PABPC4L: variants seen among roughly 807,000 people sequenced by gnomAD.
PABPC4L encodes poly(A) binding protein cytoplasmic 4 like, also known as polyadenylate-binding protein 4-like.
For missense variants in PABPC4L, 452 were observed against 451.4 expected, an observed-to-expected ratio of 1.00 and a Z score of -0.01; for synonymous variants, 169 against 164.1, an observed-to-expected ratio of 1.03 and a Z score of -0.23.
the PABPC4L span, among the ~76,000 whole-genome samples, chr4:134,165,968 A>G: frequency 2.0e-5 from 3 of 152,168 alleles, no homozygotes; most frequent in Non-Finnish European, 4.4e-5. Flanking sequence ...GAAATAAGGT[A>G]TTTTGTAGCA....
At chr4:134,036,282 T>A in the PABPC4L span, among the ~76,000 whole-genome samples, 1 of 152,132 alleles carries the variant, frequency 6.6e-6, no homozygotes, top group African/African-American at 2.4e-5. Context: ...CTTTCTGACT[T>A]ACTATACCTT....
the PABPC4L span, among the ~76,000 whole-genome samples, chr4:133,957,098 A>C: frequency 6.6e-6 from 1 of 152,194 alleles, no homozygotes; most frequent in Non-Finnish European, 1.5e-5. Context: ...CCAAATGCTT[A>C]TCTCATTCCA....
At chr4:134,157,458 A>C in the PABPC4L span, among the ~76,000 whole-genome samples, 13 of 151,684 alleles carry the variant, frequency 8.6e-5, no homozygotes, top group African/African-American at 3.1e-4. Flanking sequence ...CACTTGATTC[A>C]CCTTGATTAA....
chr4:134,100,343 G>A, the PABPC4L span, among the ~76,000 whole-genome samples: 2 of 151,582 alleles, frequency 1.3e-5, no homozygotes, highest in African/African-American at 4.8e-5. Context: ...AAAGTGTCTA[G>A]TATACACCCA....
chr4:133,975,906 C>T, the PABPC4L span, among the ~76,000 whole-genome samples: 3 of 152,128 alleles, frequency 2.0e-5, no homozygotes, highest in East Asian at 3.8e-4. Context: ...TTCTCATACA[C>T]ACACACTCTC....
chr4:134,200,125 T>C lies in PABPC4L; in HGVS notation c.895A>G (p.Asn299Asp). ...GCQGVKLYIK[N>D]LDDTIDDEKL... The stretch of plus-strand genomic sequence containing the variant: ...TCATCATCGATGGTGTCATCAAGGT[T>C]CTTAATATAGAGTTTTACCCCCTGG... The change falls in exon 2 of 2, where the codon AAC becomes GAC. Residue 299 changes from asparagine to aspartate, a missense_variant. By Grantham distance (23) the Asn-to-Asp change is conservative. Transcript: ENST00000421491. The C allele has an allele frequency of 6.4e-7, 1 of 1,551,658 alleles. No individual in the cohort carries two copies. The highest frequency in any genetic ancestry group is 8.7e-7 in the Non-Finnish European group (1 of 1,146,962).
the PABPC4L span, among the ~76,000 whole-genome samples, chr4:133,951,037 G>A: frequency 6.6e-6 from 1 of 152,082 alleles, no homozygotes; most frequent in South Asian, 2.1e-4. Context: ...TACAGGTTTG[G>A]GCTCACCAGC....
the PABPC4L span, among the ~76,000 whole-genome samples, chr4:134,083,728 T>C: frequency 6.6e-6 from 1 of 152,178 alleles, no homozygotes; most frequent in Non-Finnish European, 1.5e-5. Context: ...AATTTATCAA[T>C]AAACCTATGT....
At chr4:133,964,035 C>T in the PABPC4L span, among the ~76,000 whole-genome samples, 3 of 151,860 alleles carry the variant, frequency 2.0e-5, no homozygotes, top group African/African-American at 7.3e-5. Context: ...AAACAAAAAC[C>T]TGTGTCTTTG....
the PABPC4L span, among the ~76,000 whole-genome samples, chr4:134,069,988 G>GGTTT: frequency 9.2e-6 from 1 of 108,336 alleles, no homozygotes; most frequent in Non-Finnish European, 1.7e-5. Flanking sequence ...CCTTTGGAGG[G>GGTTT]TTTTTTTTTT....
At chr4:134,127,552 A>G in the PABPC4L span, among the ~76,000 whole-genome samples, 2 of 152,094 alleles carry the variant, frequency 1.3e-5, no homozygotes. Context: ...AAGAGAAGTA[A>G]CAATCACATC....
chr4:134,091,796 T>C, the PABPC4L span, among the ~76,000 whole-genome samples: 2 of 152,014 alleles, frequency 1.3e-5, no homozygotes, highest in African/African-American at 4.8e-5. Context: ...AATAATCTAG[T>C]GAATTATATT....
the PABPC4L span, among the ~76,000 whole-genome samples, chr4:133,995,899 A>G: frequency 6.6e-6 from 1 of 152,156 alleles, no homozygotes; most frequent in Non-Finnish European, 1.5e-5. Context: ...TATGGCTTCA[A>G]TTAATCCTTT....
chr4:134,152,462 G>A, the PABPC4L span, among the ~76,000 whole-genome samples: 4 of 152,132 alleles, frequency 2.6e-5, no homozygotes, highest in African/African-American at 4.8e-5. Flanking sequence ...CAAAGCCCTG[G>A]TGAGTACTGT....
the PABPC4L span, among the ~76,000 whole-genome samples, chr4:134,151,795 A>T: frequency 2.0e-4 from 31 of 152,062 alleles, no homozygotes; most frequent in Admixed American, 5.9e-4. Flanking sequence ...AATACTTTGA[A>T]ATGACAAAGG....
At chr4:134,050,706 C>CCAAAAA in the PABPC4L span, among the ~76,000 whole-genome samples, 25 of 82,982 alleles carry the variant, frequency 3.0e-4, no homozygotes, top group African/African-American at 1.3e-3. Context: ...CACCGTCTCC[C>CCAAAAA]AAAAAAAAAA....
At chr4:133,955,526 C>T in the PABPC4L span, among the ~76,000 whole-genome samples, 3 of 151,986 alleles carry the variant, frequency 2.0e-5, no homozygotes, top group East Asian at 1.9e-4. Flanking sequence ...TATATGAATA[C>T]ATTTTACATG....
the PABPC4L span, among the ~76,000 whole-genome samples, chr4:134,066,091 C>T: frequency 1.3e-5 from 2 of 151,946 alleles, no homozygotes; most frequent in Non-Finnish European, 2.9e-5. Context: ...TATTAGGGCT[C>T]TTTTTTCATT....
chr4:134,184,589 G>A, the PABPC4L span, among the ~76,000 whole-genome samples: 3 of 151,716 alleles, frequency 2.0e-5, no homozygotes, highest in Non-Finnish European at 4.4e-5. Flanking sequence ...TTTTGTTTTA[G>A]TGCTGAATAT....
Sources: gnomAD v4.1 joint callset for allele counts (sites outside exome capture counted in the v4.1 genomes callset) on GRCh38, gnomAD v4.1.1 for gene constraint, MANE v1.5 for transcripts, NCBI Gene and HGNC (gene_info 2026-07-23, HGNC 2026-07-21) for gene names.